Variants in PRDM6 observed in about 807,000 individuals in gnomAD.
PRDM6 encodes the protein putative histone-lysine N-methyltransferase PRDM6.
In PRDM6, 25 loss-of-function variants were observed where a neutral mutation model predicts 60.8. That is an observed-to-expected ratio of 0.41 (90% CI 0.30 to 0.57). The LOEUF is 0.57. Ranked by LOEUF, PRDM6 falls within the 20% of genes least tolerant of loss-of-function variation. The pLI, the probability that PRDM6 is intolerant of heterozygous loss-of-function variation, is 0.27. For synonymous variants in PRDM6, 407 were observed against 357.4 expected (o/e 1.14, Z -1.57); for missense variants, 839 against 821.3 (o/e 1.02, Z -0.26).
intron 3 of PRDM6, among the ~76,000 whole-genome samples, chr5:123,109,720 G>A (rs1183284293): frequency 6.6e-6 from 1 of 152,110 alleles, no homozygotes; most frequent in East Asian, 1.9e-4. Context: ...ACAAATGTTG[G>A]CACATTTATA....
At chr5:123,117,969 A>G (rs464481) in intron 3 of PRDM6, among the ~76,000 whole-genome samples, 137,278 of 152,098 alleles carry the variant, frequency 0.9, 62,209 homozygotes, top group East Asian at 0.99. Flanking sequence ...GGGTTGTCTG[A>G]AGATAGCATT....
intron 2 of PRDM6, among the ~76,000 whole-genome samples, chr5:123,095,796 C>G (rs1341963568): frequency 6.6e-6 from 1 of 152,184 alleles, no homozygotes; most frequent in Non-Finnish European, 1.5e-5. Context: ...ACTCCCCACG[C>G]GCCTACACAT....
chr5:123,124,336 G>A (rs920832696), intron 3 of PRDM6, among the ~76,000 whole-genome samples: 2 of 152,164 alleles, frequency 1.3e-5, no homozygotes, highest in African/African-American at 2.4e-5. Flanking sequence ...AATGAATGTT[G>A]CCAAATTTCA....
At chr5:123,131,840 G>T (rs1361547357) in intron 3 of PRDM6, among the ~76,000 whole-genome samples, 3 of 152,202 alleles carry the variant, frequency 2.0e-5, no homozygotes, top group African/African-American at 7.2e-5. Context: ...GTCTGGTACA[G>T]TGCCAAATGT....
In PRDM6 at chr5:123,164,089, G is replaced by A. The variant is rs939774978; in HGVS notation, c.1153+4451G>A. Among the ~76,000 whole-genome samples, 12 of 152,088 alleles carry A rather than the reference G, an allele frequency of 7.9e-5. No individual in the cohort carries two copies. The East Asian group carries it at 2.1e-3, about 27-fold the overall frequency. ...CAGTCCACAAGACCATCTGTGCAGG[G>A]CCCCAGGGGAAGCGTTGTGATGGGT... On this transcript the variant is annotated intron_variant, in intron 5 of 7. Transcript: ENST00000407847.
At chr5:123,131,176 A>G (rs187403060) in intron 3 of PRDM6, among the ~76,000 whole-genome samples, 15 of 152,334 alleles carry the variant, frequency 9.8e-5, no homozygotes, top group African/African-American at 3.4e-4. Context: ...ACTAGAAGCT[A>G]GGAAGGCTAG....
chr5:123,122,164 CAAAAAAAAAA>C (rs138619125), intron 3 of PRDM6, among the ~76,000 whole-genome samples: 1 of 98,924 alleles, frequency 1.0e-5, no homozygotes, highest in African/African-American at 4.0e-5. Flanking sequence ...CTCCATCTGA[CAAAAAAAAAA>C]AAAAAAAAAA....
Position 123,159,579 on chromosome 5 carries a change from A to G in PRDM6, c.1094A>G (p.Asn365Ser), listed in dbSNP as rs986412382. The G allele has an allele frequency of 7.1e-6, 11 of 1,551,450 alleles. No individual in the cohort carries two copies. Among genetic ancestry groups the G allele is most frequent in the African/African-American group, 6.8e-5 (5 of 73,042 alleles). ...GGCACCGAGCTTCTGGTGTGGTACA[A>G]TGACAGCTATACGTCTTTCTTTGGG... is the stretch of plus-strand genomic sequence containing the variant. ...PRGTELLVWY[N>S]DSYTSFFGIP... The change falls in exon 5 of 8, where the codon AAT (asparagine) becomes AGT (serine). Residue 365 changes from asparagine to serine, a missense_variant. Around this residue, in one of 2 missense-constraint regions of PRDM6, gnomAD observed 730 missense variants for 648.8 expected, o/e 1.13. Coordinates refer to ENST00000407847, the MANE Select transcript of PRDM6 (RefSeq NM_001136239.4).
At chr5:123,111,401 T>C (rs1312276017) in intron 3 of PRDM6, among the ~76,000 whole-genome samples, 7 of 152,074 alleles carry the variant, frequency 4.6e-5, no homozygotes, top group Admixed American at 4.6e-4. Context: ...AAACTATCCT[T>C]AAGAAACAAA....
chr5:123,097,950 T>C (rs1763994815), intron 2 of PRDM6, among the ~76,000 whole-genome samples: 2 of 152,206 alleles, frequency 1.3e-5, no homozygotes, highest in Admixed American at 6.5e-5. Context: ...GAGTAGCTGC[T>C]GACTGAGGCA....
chr5:123,094,432 TTCTCTC>T (rs3037346), intron 2 of PRDM6, among the ~76,000 whole-genome samples: 3,303 of 148,040 alleles, frequency 0.022, 51 homozygotes, highest in Non-Finnish European at 0.033. Context: ...GCTTTTGTGT[TTCTCTC>T]TCTCTCTCTC....
Position 123,159,537 on chromosome 5 carries a change from G to A in PRDM6, c.1052G>A (p.Cys351Tyr), listed in dbSNP as rs773739323. The change falls in exon 5 of 8, where the codon TGT becomes TAT. Residue 351 changes from cysteine (C) to tyrosine (Y), a missense_variant. By Grantham distance (194) the Cys-to-Tyr change is radical (BLOSUM62 -2). Coordinates refer to ENST00000407847, the MANE Select transcript of PRDM6 (RefSeq NM_001136239.4). ...QYRSNIFYRA[C>Y]IDIPRGTELL... ...AGGTCGAATATATTCTACCGAGCCT[G>A]TATAGATATCCCTAGGGGCACCGAG... The A allele has an allele frequency of 3.4e-5, 53 of 1,551,336 alleles. No individual in the cohort carries two copies. Among genetic ancestry groups the A allele is most frequent in the Non-Finnish European group, 2.6e-6 (3 of 1,146,808 alleles).
Position 123,090,404 on chromosome 5 carries a change from G to C in PRDM6, c.390G>C (p.Glu130Asp). The change falls in exon 2 of 8, where the codon GAG (glutamate) becomes GAC (aspartate). Residue 130 changes from glutamate (E) to aspartate (D), a missense_variant. Around this residue, in one of 2 missense-constraint regions of PRDM6, gnomAD observed 730 missense variants for 648.8 expected, o/e 1.13. Transcript: ENST00000407847. ...APLAAAAVAA[E>D]PLPPKELCLG... is the part of the protein sequence containing the mutation. The stretch of plus-strand genomic sequence containing the variant: ...TAGCCGCCGCTGCCGTCGCCGCCGA[G>C]CCGCTGCCCCCCAAGGAACTGTGCC... 2 of 1,459,512 alleles carry C rather than the reference G, an allele frequency of 1.4e-6. No individual in the cohort carries two copies. Among genetic ancestry groups the C allele is most frequent in the Non-Finnish European group, 1.8e-6 (2 of 1,112,410 alleles). The allele number at this position is 1,459,512 out of a possible 1,614,324, so 90.4% of individuals were successfully genotyped here.
intron 4 of PRDM6, among the ~76,000 whole-genome samples, chr5:123,157,082 G>A (rs1250725882): frequency 2.2e-5 from 3 of 138,742 alleles, no homozygotes; most frequent in Admixed American, 1.4e-4. Flanking sequence ...TTTTTTAAAC[G>A]AAGCTTAAGT....
chr5:123,100,069 G>C, intron 3 of PRDM6, 108 bp downstream of exon 3: 1 of 1,154,560 alleles, frequency 8.7e-7, no homozygotes, highest in Non-Finnish European at 1.2e-6. Flanking sequence ...TGCGAAGAGA[G>C]CCTCCCTTGG....
intron 3 of PRDM6, among the ~76,000 whole-genome samples, chr5:123,145,522 A>G (rs1227821962): frequency 1.3e-5 from 2 of 152,150 alleles, no homozygotes; most frequent in African/African-American, 4.8e-5. Context: ...CTTGATGGGG[A>G]GGAAACCTAT....
intron 7 of PRDM6, among the ~76,000 whole-genome samples, chr5:123,183,534 A>G (rs974273116): frequency 6.6e-6 from 1 of 152,196 alleles, no homozygotes; most frequent in Non-Finnish European, 1.5e-5. Context: ...TGTTCTAGGT[A>G]GATGATGGGC....
At chr5:123,183,172 T>C (rs1766205225) in intron 7 of PRDM6, among the ~76,000 whole-genome samples, 1 of 152,206 alleles carries the variant, frequency 6.6e-6, no homozygotes, top group Non-Finnish European at 1.5e-5. Flanking sequence ...TACACAATGT[T>C]ACAAAGAAGG....
chr5:123,176,474 G>A (rs1341118307), intron 6 of PRDM6, among the ~76,000 whole-genome samples: 1 of 152,138 alleles, frequency 6.6e-6, no homozygotes, highest in Admixed American at 6.5e-5. Flanking sequence ...ACTTTGGGAG[G>A]CCAAGTCAGG....
Sources: gnomAD v4.1 joint callset for allele counts (sites outside exome capture counted in the v4.1 genomes callset) on GRCh38, gnomAD v4.1.1 for gene constraint, gnomAD v4.1.1 regional missense constraint, MANE v1.5 for transcripts, NCBI Gene and HGNC (gene_info 2026-07-23, HGNC 2026-07-21) for gene names.